RPS6KA2: variants seen among roughly 807,000 people sequenced by gnomAD.
RPS6KA2 encodes the protein ribosomal protein S6 kinase alpha-2.
In RPS6KA2, 42 loss-of-function variants were observed where a neutral mutation model predicts 91.8. That is an observed-to-expected ratio of 0.46 (90% confidence interval 0.36 to 0.59). The LOEUF (loss-of-function observed/expected upper bound fraction) is 0.59, where lower values mean the gene tolerates loss of function less well. Ranked by LOEUF, RPS6KA2 falls within the 20% of genes least tolerant of loss-of-function variation. RPS6KA2 has a pLI of 0.00. For synonymous variants in RPS6KA2, 414 were observed against 393.6 expected, an observed-to-expected ratio of 1.05 and a Z score of -0.61; for missense variants, 798 against 978.5, an observed-to-expected ratio of 0.82 and a Z score of 2.46.
At chr6:166,432,563 T>G (rs1174423081) in intron 14 of RPS6KA2, 73 bp from the exon 15 acceptor site, 2 of 902,008 alleles carry the variant, frequency 2.2e-6, no homozygotes, top group African/African-American at 3.3e-5. Context: ...GGTGGACCAT[T>G]GAGTTTGGAT....
rs1778781480 is a variant in RPS6KA2, at chr6:166,423,089, C to T, written c.1743+167G>A. 6.6e-6 allele frequency among the ~76,000 whole-genome samples: 1 copy of T among 152,120 alleles called. No individual in the cohort carries two copies. Among genetic ancestry groups the T allele is most frequent in the South Asian group, 2.1e-4 (1 of 4,830 alleles). Reference sequence around the variant, plus strand: ...ACAACTACGTTTAAGCAAGATTGGCCCCTGGCTCAAGAGACTGAAGGTTCT... The same window carrying T: ...ACAACTACGTTTAAGCAAGATTGGCTCCTGGCTCAAGAGACTGAAGGTTCT... On this transcript the variant is annotated intron_variant, in intron 17 of 20. Coordinates refer to ENST00000265678, the MANE Select transcript of RPS6KA2 (RefSeq NM_021135.6). The surrounding 1 kb of genome is among the most constrained non-coding windows in gnomAD (Gnocchi z 4.8).
intron 2 of RPS6KA2, among the ~76,000 whole-genome samples, chr6:166,655,091 T>C (rs1240839031): frequency 1.3e-5 from 2 of 152,228 alleles, no homozygotes; most frequent in African/African-American, 4.8e-5. Context: ...TTTACAACTA[T>C]TTCACCCAAC....
intron 1 of RPS6KA2, among the ~76,000 whole-genome samples, chr6:166,859,381 C>A (rs1476818235): frequency 6.6e-6 from 1 of 152,218 alleles, no homozygotes; most frequent in African/African-American, 2.4e-5. Context: ...CCAAAGCACG[C>A]CCTTGGCTGC....
At chr6:166,787,763 C>T (rs971511158) in intron 2 of RPS6KA2, among the ~76,000 whole-genome samples, 3 of 151,906 alleles carry the variant, frequency 2.0e-5, no homozygotes, top group Non-Finnish European at 2.9e-5. Flanking sequence ...CATGGGCATG[C>T]GCAAAAACTT....
intron 2 of RPS6KA2, among the ~76,000 whole-genome samples, chr6:166,814,435 T>C (rs572609737): frequency 1.3e-5 from 2 of 152,320 alleles, no homozygotes; most frequent in South Asian, 4.1e-4. Context: ...AAGCAAGAGT[T>C]CCCAACCCCT....
chr6:166,835,091 G>A (rs149784272), intron 2 of RPS6KA2, among the ~76,000 whole-genome samples: 7 of 151,986 alleles, frequency 4.6e-5, no homozygotes, highest in Non-Finnish European at 5.9e-5. Flanking sequence ...GAATTACACC[G>A]ACATCTGTGT....
rs952510396 is a variant in RPS6KA2, at chr6:166,612,493, C to G, written c.99+14428G>C. Among the ~76,000 whole-genome samples, 1 of 152,176 alleles carries G rather than the reference C, an allele frequency of 6.6e-6. No homozygotes were observed. The highest frequency in any genetic ancestry group is 6.5e-5 in the Admixed American group (1 of 15,284). ...CTGGCTCCCCTCGCGGGCTTGCAAC[C>G]AGGCACTCTTCCTCTCTCCCTCCAT... On this transcript the variant is annotated intron_variant, in intron 1 of 20. Coordinates refer to ENST00000265678, the MANE Select transcript of RPS6KA2 (RefSeq NM_021135.6). This position sits in a 1 kb window ranked among gnomAD's most constrained non-coding sequence, Gnocchi z 4.3.
chr6:166,489,557 G>A (rs1010620101), intron 9 of RPS6KA2, among the ~76,000 whole-genome samples: 4 of 152,172 alleles, frequency 2.6e-5, no homozygotes, highest in Non-Finnish European at 5.9e-5. Context: ...GGCCACACCC[G>A]TGACTTGCTG....
At chr6:166,568,079 G>C (rs1784556162) in intron 1 of RPS6KA2, among the ~76,000 whole-genome samples, 1 of 152,142 alleles carries the variant, frequency 6.6e-6, no homozygotes, top group Admixed American at 6.5e-5. Context: ...TGGACATCCT[G>C]CTCTCGTAAC....
intron 3 of RPS6KA2, among the ~76,000 whole-genome samples, chr6:166,530,607 A>G (rs554407390): frequency 2.0e-5 from 3 of 152,326 alleles, no homozygotes; most frequent in African/African-American, 7.2e-5. Flanking sequence ...GGCAGGGGGA[A>G]GTTCCCTCTC....
chr6:166,616,059 C>T (rs960273466), intron 1 of RPS6KA2, among the ~76,000 whole-genome samples: 1 of 152,128 alleles, frequency 6.6e-6, no homozygotes, highest in African/African-American at 2.4e-5. Flanking sequence ...TACCCTGCCA[C>T]CCACTGTGTG....
At chr6:166,629,135 A>G (rs1430522515), upstream of RPS6KA2, among the ~76,000 whole-genome samples, 2 of 152,228 alleles carry the variant, frequency 1.3e-5, no homozygotes, top group African/African-American at 4.8e-5. Flanking sequence ...GAAGAGGTAG[A>G]TGGACCTCCA....
chr6:166,637,990 G>A (rs964682001), intron 2 of RPS6KA2, among the ~76,000 whole-genome samples: 13 of 152,248 alleles, frequency 8.5e-5, no homozygotes, highest in African/African-American at 3.1e-4. Flanking sequence ...GGCCGGGAGC[G>A]TGGGAAATCC....
intron 2 of RPS6KA2, among the ~76,000 whole-genome samples, chr6:166,667,466 C>T (rs1788347670): frequency 6.6e-6 from 1 of 152,202 alleles, no homozygotes; most frequent in Non-Finnish European, 1.5e-5. Context: ...GCTCAAAACA[C>T]CTGTTGATAC....
chr6:166,463,773 C>T (rs1780419279), intron 11 of RPS6KA2, among the ~76,000 whole-genome samples: 1 of 152,090 alleles, frequency 6.6e-6, no homozygotes, highest in African/African-American at 2.4e-5. Flanking sequence ...TAGATTATTC[C>T]TAAAATAATA....
At chr6:166,515,704 C>T (rs929218470) in intron 3 of RPS6KA2, among the ~76,000 whole-genome samples, 7 of 152,142 alleles carry the variant, frequency 4.6e-5, no homozygotes, top group African/African-American at 1.4e-4. Context: ...GAAAATGTTA[C>T]AAAGAATGTC....
chr6:166,798,537 G>A (rs1397743869), intron 2 of RPS6KA2, among the ~76,000 whole-genome samples: 2 of 152,240 alleles, frequency 1.3e-5, no homozygotes, highest in African/African-American at 2.4e-5. Flanking sequence ...GCTGCAGGAG[G>A]CTGTGTTCAG....
intron 2 of RPS6KA2, among the ~76,000 whole-genome samples, chr6:166,724,581 C>T (rs1182461668): frequency 6.6e-6 from 1 of 152,180 alleles, no homozygotes; most frequent in African/African-American, 2.4e-5. Flanking sequence ...GAGGTGTGCT[C>T]ACCCCACTTA....
intron 3 of RPS6KA2, among the ~76,000 whole-genome samples, chr6:166,522,387 C>T (rs1782888286): frequency 6.6e-6 from 1 of 152,222 alleles, no homozygotes; most frequent in Admixed American, 6.5e-5. Context: ...TGCCACAAAC[C>T]CACGGGACCT....
Sources: allele counts gnomAD v4.1 joint callset (sites outside exome capture counted in the v4.1 genomes callset), GRCh38; gene constraint gnomAD v4.1.1; non-coding constraint Gnocchi (gnomAD v3.1); transcripts MANE v1.5; gene names NCBI Gene and HGNC (gene_info 2026-07-23, HGNC 2026-07-21).